NR1H4: variants seen among roughly 807,000 people sequenced by gnomAD.
NR1H4 encodes bile acid receptor.
Under a neutral mutation model 58.5 loss-of-function variants are expected in NR1H4, and 23 were observed. The observed-to-expected ratio is 0.39, with a 90% CI of 0.28 to 0.56. The LOEUF (loss-of-function observed/expected upper bound fraction) is 0.56, where lower values mean the gene tolerates loss of function less well. Among genes scored for constraint, NR1H4 ranks in the 20% least tolerant of loss-of-function variants. The pLI, the probability that NR1H4 is intolerant of heterozygous loss-of-function variation, is 0.58. For synonymous variants in NR1H4, 214 were observed against 198.0 expected, an observed-to-expected ratio of 1.08 and a Z score of -0.68; for missense variants, 487 against 576.9, an observed-to-expected ratio of 0.84 and a Z score of 1.60.
intron 8 of NR1H4, among the ~76,000 whole-genome samples, chr12:100,539,073 C>A (rs974262792): frequency 6.6e-6 from 1 of 152,108 alleles, no homozygotes; most frequent in Non-Finnish European, 1.5e-5. Context: ...CAAATAAAAA[C>A]CTTATTCATA....
chr12:100,505,539 G>A (rs560637138), intron 3 of NR1H4: 1 of 697,390 alleles, frequency 1.4e-6, no homozygotes, highest in South Asian at 1.5e-5. Context: ...GAAACCTGGA[G>A]ACTGTCTAAC....
At chr12:100,475,522 CTT>C (rs999525642) in intron 1 of NR1H4, among the ~76,000 whole-genome samples, 2 of 152,154 alleles carry the variant, frequency 1.3e-5, no homozygotes, top group Admixed American at 1.3e-4. Flanking sequence ...TGTCCTTCCT[CTT>C]GTTTCCACCT....
chr12:100,504,644 A>T (rs1294713724), intron 3 of NR1H4, among the ~76,000 whole-genome samples: 1 of 152,220 alleles, frequency 6.6e-6, no homozygotes, highest in African/African-American at 2.4e-5. Flanking sequence ...GTCTTAGTTC[A>T]TCTTTATTAC....
At chr12:100,519,056 G>A (rs1954343149) in intron 4 of NR1H4, among the ~76,000 whole-genome samples, 1 of 152,072 alleles carries the variant, frequency 6.6e-6, no homozygotes, top group South Asian at 2.1e-4. Flanking sequence ...CCAAAGTGCT[G>A]CGGTTGCAGG....
At chr12:100,495,786 G>A (rs779696082) in intron 3 of NR1H4, among the ~76,000 whole-genome samples, 7 of 151,764 alleles carry the variant, frequency 4.6e-5, no homozygotes, top group Non-Finnish European at 8.8e-5. Flanking sequence ...AGGGGAGGAC[G>A]AAGAAAATTT....
At position 100,540,833 on chromosome 12, in the gene NR1H4, T is replaced by C; in HGVS notation, c.1078+15T>C. The stretch of plus-strand genomic sequence containing the variant: ...TCGAAATAGTGGTAAGTGATTTGGC[T>C]AATGGTAAAAGAGTTTGTTTCTAGG... On this transcript the variant is annotated intron_variant, in intron 9 of 10. Coordinates refer to ENST00000392986, the MANE Select transcript of NR1H4 (RefSeq NM_001206979.2). 2 of 1,613,818 alleles carry C rather than the reference T, an allele frequency of 1.2e-6. No homozygotes were observed. Among genetic ancestry groups the C allele is most frequent in the South Asian group, 1.1e-5 (1 of 91,066 alleles).
rs1411402078 is a variant in NR1H4, at chr12:100,563,376, C to A, written c.1318C>A (p.Arg440Ser). The change falls in exon 11 of 11, where the codon CGC becomes AGC. Residue 440 changes from arginine (R) to serine (S), a missense_variant. Coordinates refer to ENST00000392986, the MANE Select transcript of NR1H4 (RefSeq NM_001206979.2). Reference sequence around the variant, plus strand: ...TCAACACTTTGCCTGTCTCCTGGGTCGCCTGACTGAATTACGGACATTCAA... The same window carrying A: ...TCAACACTTTGCCTGTCTCCTGGGTAGCCTGACTGAATTACGGACATTCAA... ...NPQHFACLLG[R>S]LTELRTFNHH... 6.2e-7 allele frequency: 1 copy of A among 1,613,922 alleles called. No individual in the cohort carries two copies. The highest frequency in any genetic ancestry group is 8.5e-7 in the Non-Finnish European group (1 of 1,180,046).
At chr12:100,524,148 A>T (rs191709609) in intron 4 of NR1H4, among the ~76,000 whole-genome samples, 71 of 152,362 alleles carry the variant, frequency 4.7e-4, no homozygotes, top group Admixed American at 7.2e-4. Flanking sequence ...CAAACATATA[A>T]GCAATATGTA....
rs540997305 is a variant in NR1H4 at position 100,507,377 on chromosome 12, C to T, written c.80-3401C>T. Among the ~76,000 whole-genome samples, 36 of 152,118 alleles carry T rather than the reference C, an allele frequency of 2.4e-4. 1 individual carries two copies. The highest frequency in any genetic ancestry group is 6.8e-3 in the Middle Eastern group (2 of 294). On this transcript the variant is annotated intron_variant, in intron 3 of 10. Transcript: ENST00000392986. The stretch of plus-strand genomic sequence containing the variant: ...TCCATATTTTTCTCCTTCCATTTTG[C>T]GGTCATAAGACAAGGCACCATTTCT...
chr12:100,487,726 C>T (rs1353312170), intron 1 of NR1H4, among the ~76,000 whole-genome samples: 4 of 151,686 alleles, frequency 2.6e-5, no homozygotes, highest in Admixed American at 1.3e-4. Context: ...ATTCTCCTGC[C>T]TCAGCCTCCT....
chr12:100,540,846 G>T, intron 9 of NR1H4, 28 bp downstream of exon 9: 1 of 1,613,126 alleles, frequency 6.2e-7, no homozygotes, highest in Non-Finnish European at 8.5e-7. Context: ...TGGTAAAAGA[G>T]TTTGTTTCTA....
chr12:100,511,019 T>A lies in NR1H4; in HGVS notation c.321T>A (p.Pro107=). The part of the protein sequence containing the change: ...YQGETEVAEM[P]VTKKPRMGAS... ...GAGAAACTGAGGTAGCAGAGATGCC[T>A]GTAACAAAGAAGCCCCGCATGGGCG... The change falls in exon 4 of 11, where the codon CCT becomes CCA. Residue 107 remains proline, a synonymous_variant. Coordinates refer to ENST00000392986, the MANE Select transcript of NR1H4 (RefSeq NM_001206979.2). The A allele has an allele frequency of 1.9e-6, 3 of 1,614,222 alleles. No individual in the cohort carries two copies. In the South Asian group the frequency reaches 3.3e-5, roughly 18 times the overall value.
At chr12:100,559,281 C>A (rs1955406011) in intron 9 of NR1H4, among the ~76,000 whole-genome samples, 1 of 152,206 alleles carries the variant, frequency 6.6e-6, no homozygotes. Flanking sequence ...ACTTTGGCAG[C>A]ACTTGAGGAG....
In NR1H4 at chr12:100,545,690, C is replaced by T. The variant is rs1052836144; in HGVS notation, c.1078+4872C>T. Among the ~76,000 whole-genome samples, 11 of 139,888 alleles carry T rather than the reference C, an allele frequency of 7.9e-5. 1 individual carries two copies. Among genetic ancestry groups the T allele is most frequent in the African/African-American group, 3.0e-4 (11 of 36,546 alleles). The allele number at this position is 139,888 out of a possible 152,430, so 91.8% of individuals were successfully genotyped here. ...AAAAACCAAACGGGGGGCATATATGCGTAATGTCTGGATCTATTAATTACG... is the reference window on the plus strand; with the variant it reads ...AAAAACCAAACGGGGGGCATATATGTGTAATGTCTGGATCTATTAATTACG... On this transcript the variant is annotated intron_variant, in intron 9 of 10. Coordinates refer to ENST00000392986, the MANE Select transcript of NR1H4 (RefSeq NM_001206979.2).
rs886286760 is a variant in NR1H4, at chr12:100,532,350, T to C, written c.446-108T>C. On this transcript the variant is annotated intron_variant, in intron 4 of 10. Transcript: ENST00000392986. ...GTGTGCTCAAGGATGGCCTGGGTGC[T>C]CTCCAGCAGTTGGTGAGAAAATGTC... 6 of 1,037,412 alleles carry C rather than the reference T, an allele frequency of 5.8e-6. No individual in the cohort carries two copies. The African/African-American group carries it at 9.4e-5, about 16-fold the overall frequency. 64.3% of individuals were successfully genotyped at this position (1,037,412 alleles called of 1,614,324 possible).
intron 3 of NR1H4, chr12:100,503,352 C>T: frequency 6.3e-7 from 1 of 1,585,602 alleles, no homozygotes; most frequent in African/African-American, 1.3e-5. Context: ...CACTCCTTAC[C>T]TAGTCTCATT....
At chr12:100,523,189 C>T (rs1954470356) in intron 4 of NR1H4, among the ~76,000 whole-genome samples, 1 of 152,106 alleles carries the variant, frequency 6.6e-6, no homozygotes, top group African/African-American at 2.4e-5. Context: ...AAAGCATTCC[C>T]CTTTCACTAC....
At chr12:100,488,136 G>A (rs984526051) in intron 1 of NR1H4, among the ~76,000 whole-genome samples, 21 of 152,128 alleles carry the variant, frequency 1.4e-4, no homozygotes, top group Middle Eastern at 6.8e-3. Context: ...GAGTAGCTGG[G>A]ATTACAAGCC....
At chr12:100,476,176 C>G (rs1282940840) in intron 1 of NR1H4, among the ~76,000 whole-genome samples, 1 of 152,122 alleles carries the variant, frequency 6.6e-6, no homozygotes, top group Admixed American at 6.5e-5. Flanking sequence ...CTCTTCCTGG[C>G]TACTCTGATA....
Sources: gnomAD v4.1 joint callset for allele counts (sites outside exome capture counted in the v4.1 genomes callset) on GRCh38, gnomAD v4.1.1 for gene constraint, MANE v1.5 for transcripts, NCBI Gene and HGNC (gene_info 2026-07-23, HGNC 2026-07-21) for gene names.